ACTR3B: variants seen among roughly 807,000 people sequenced by gnomAD.
The protein encoded by ACTR3B is actin-related protein 3B.
A neutral mutation model predicts 59.0 loss-of-function variants in ACTR3B; 8 were observed. That is an observed-to-expected ratio of 0.14 (90% CI 0.08 to 0.24). The LOEUF is 0.24. Ranked by LOEUF, ACTR3B falls within the 10% of genes least tolerant of loss-of-function variation. The probability of loss-of-function intolerance (pLI) is 1.00; values close to 1 mark genes in which losing one functional copy is unlikely to be tolerated. For missense variants in ACTR3B, 245 were observed against 552.3 expected (o/e 0.44, Z 5.58); for synonymous variants, 148 against 197.9 (o/e 0.75, Z 2.12).
intron 9 of ACTR3B, among the ~76,000 whole-genome samples, chr7:152,849,913 C>T (rs769684100): frequency 6.6e-6 from 1 of 152,222 alleles, no homozygotes; most frequent in Non-Finnish European, 1.5e-5. Context: ...CTGGTGGCTT[C>T]TCCAGGTGGA....
intron 9 of ACTR3B, among the ~76,000 whole-genome samples, chr7:152,829,618 G>A (rs1450872417): frequency 6.6e-6 from 1 of 152,104 alleles, no homozygotes; most frequent in Admixed American, 6.6e-5. Context: ...GCCCACCGTG[G>A]GCTTCATCCA....
At chr7:152,801,260 T>G (rs2098235681) in intron 3 of ACTR3B, among the ~76,000 whole-genome samples, 1 of 152,230 alleles carries the variant, frequency 6.6e-6, no homozygotes, top group African/African-American at 2.4e-5. Context: ...TTTAATTTTT[T>G]GTAGAGACAG....
At position 152,820,285 on chromosome 7, in the gene ACTR3B, C is replaced by T. The variant is rs773114408; in HGVS notation, c.541-14C>T. On this transcript the variant is annotated splice_polypyrimidine_tract_variant and intron_variant, in intron 6 of 11. Coordinates refer to ENST00000256001, the MANE Select transcript of ACTR3B (RefSeq NM_020445.6). ...ATCACTAACACAGCTGTTCTGCCTCCTCTTCTTCCCTAGGCAGAAGGTTAT... is the reference window on the plus strand; with the variant it reads ...ATCACTAACACAGCTGTTCTGCCTCTTCTTCTTCCCTAGGCAGAAGGTTAT... 8 of 1,573,986 alleles carry T rather than the reference C, an allele frequency of 5.1e-6. No individual in the cohort carries two copies. The highest frequency in any genetic ancestry group is 1.3e-5 in the African/African-American group (1 of 74,494).
At chr7:152,796,163 G>T (rs1466986137) in intron 2 of ACTR3B, among the ~76,000 whole-genome samples, 1 of 152,076 alleles carries the variant, frequency 6.6e-6, no homozygotes, top group Non-Finnish European at 1.5e-5. Flanking sequence ...TCTTTCTAAG[G>T]ATTTGATATA....
At chr7:152,830,807 C>T (rs1796966410) in intron 9 of ACTR3B, among the ~76,000 whole-genome samples, 1 of 152,054 alleles carries the variant, frequency 6.6e-6, no homozygotes. Context: ...TGCCTCAGCC[C>T]CAAAGCACTG....
At chr7:152,777,049 T>C (rs1220701638) in intron 1 of ACTR3B, among the ~76,000 whole-genome samples, 1 of 152,206 alleles carries the variant, frequency 6.6e-6, no homozygotes, top group African/African-American at 2.4e-5. Context: ...TTTGCATACA[T>C]GTACAAATAC....
At chr7:152,835,143 A>G (rs1250136122) in intron 9 of ACTR3B, among the ~76,000 whole-genome samples, 1 of 152,028 alleles carries the variant, frequency 6.6e-6, no homozygotes, top group Non-Finnish European at 1.5e-5. Context: ...CGTGGTTAAG[A>G]GTATAGGCGT....
chr7:152,821,841 G>A (rs1414777392), intron 7 of ACTR3B, among the ~76,000 whole-genome samples: 3 of 152,180 alleles, frequency 2.0e-5, no homozygotes, highest in Admixed American at 6.5e-5. Context: ...AGCTCCCCCC[G>A]CTTCCCCTTA....
chr7:152,848,887 C>T (rs547321185), intron 9 of ACTR3B, among the ~76,000 whole-genome samples: 7 of 152,124 alleles, frequency 4.6e-5, no homozygotes, highest in Non-Finnish European at 1.0e-4. Flanking sequence ...AGGAGCCAGG[C>T]GCTCTCAGGT....
chr7:152,834,549 C>G (rs559124038), intron 9 of ACTR3B, among the ~76,000 whole-genome samples: 1 of 152,304 alleles, frequency 6.6e-6, no homozygotes, highest in East Asian at 1.9e-4. Context: ...GTTTCATATG[C>G]TATGTATTAA....
intron 4 of ACTR3B, among the ~76,000 whole-genome samples, chr7:152,805,622 A>C (rs73728856): frequency 0.094 from 14,343 of 151,964 alleles, 730 homozygotes; most frequent in African/African-American, 0.13. Flanking sequence ...CCTACATCTG[A>C]ATCACAATTG....
chr7:152,835,560 C>G (rs957626481), intron 9 of ACTR3B, among the ~76,000 whole-genome samples: 2 of 152,170 alleles, frequency 1.3e-5, no homozygotes, highest in Non-Finnish European at 2.9e-5. Context: ...TACAGAGACA[C>G]GAAGTGAGCG....
chr7:152,818,156 C>G (rs958247969), intron 6 of ACTR3B, among the ~76,000 whole-genome samples: 3 of 152,198 alleles, frequency 2.0e-5, no homozygotes, highest in Non-Finnish European at 4.4e-5. Context: ...CTGCTGAGAT[C>G]CAAGATGAGG....
intron 1 of ACTR3B, among the ~76,000 whole-genome samples, chr7:152,779,731 C>T (rs992372277): frequency 3.9e-5 from 6 of 152,042 alleles, no homozygotes; most frequent in South Asian, 2.1e-4. Flanking sequence ...TTTGAGGATG[C>T]GTACTTTTTA....
At chr7:152,821,891 G>A (rs1393419413) in intron 7 of ACTR3B, among the ~76,000 whole-genome samples, 7 of 152,358 alleles carry the variant, frequency 4.6e-5, no homozygotes, top group East Asian at 1.9e-4. Context: ...GCCTGAGGGA[G>A]TGTGTAACGT....
chr7:152,761,481 T>A (rs2098089127), intron 1 of ACTR3B, among the ~76,000 whole-genome samples: 2 of 152,168 alleles, frequency 1.3e-5, no homozygotes, highest in South Asian at 4.1e-4. Flanking sequence ...CCTTTAAGAT[T>A]AGTAAGTCGT....
intron 2 of ACTR3B, among the ~76,000 whole-genome samples, chr7:152,785,551 G>T (rs1010932552): frequency 2.1e-5 from 3 of 145,982 alleles, no homozygotes; most frequent in African/African-American, 7.7e-5. Context: ...GGGGCCCCAG[G>T]AGTCAAGGTT....
At position 152,854,324 on chromosome 7, in the gene ACTR3B, A is replaced by G. The variant is rs1799084464; in HGVS notation, c.1162-134A>G. The G allele has an allele frequency of 4.0e-6, 3 of 741,776 alleles. No homozygotes were observed. Among genetic ancestry groups the G allele is most frequent in the South Asian group, 3.3e-5 (2 of 61,142 alleles). The allele number at this position is 741,776 out of a possible 1,614,324, so 45.9% of individuals were successfully genotyped here. A position where few individuals can be genotyped will look rare whatever the true frequency, so the allele number is the denominator to read the frequency against. Reference sequence around the variant, plus strand: ...TAGTAGTTTAGTACATCAGAGAGGTAAAATCTTGCAGCAGCGGTCCTGGGA... The same window carrying G: ...TAGTAGTTTAGTACATCAGAGAGGTGAAATCTTGCAGCAGCGGTCCTGGGA... On this transcript the variant is annotated intron_variant, in intron 11 of 11. Transcript: ENST00000256001. This position sits in a 1 kb window ranked among gnomAD's most constrained non-coding sequence, Gnocchi z 4.9.
chr7:152,772,482 G>A (rs1356427572), intron 1 of ACTR3B, among the ~76,000 whole-genome samples: 3 of 152,118 alleles, frequency 2.0e-5, no homozygotes, highest in East Asian at 1.9e-4. Flanking sequence ...TTGTGACTGC[G>A]CCACTGCACT....
Sources: allele counts gnomAD v4.1 joint callset (sites outside exome capture counted in the v4.1 genomes callset), GRCh38; gene constraint gnomAD v4.1.1; non-coding constraint Gnocchi (gnomAD v3.1); transcripts MANE v1.5; gene names NCBI Gene and HGNC (gene_info 2026-07-23, HGNC 2026-07-21).